LRP1B: variants seen among roughly 807,000 people sequenced by gnomAD.
LRP1B encodes the protein LDL receptor related protein 1B, also known as low-density lipoprotein receptor-related protein 1B.
In LRP1B, 217 loss-of-function variants were observed where a neutral mutation model predicts 556.6. The observed-to-expected ratio is 0.39, with a 90% CI of 0.35 to 0.44. The LOEUF (loss-of-function observed/expected upper bound fraction) is 0.44. LRP1B is among the 20% of genes least tolerant of loss of function. The pLI is 1.00. For missense variants in LRP1B, 5,053 were observed against 5,620.8 expected (o/e 0.90, Z 3.23); for synonymous variants, 2,047 against 1,865.8 (o/e 1.10, Z -2.50).
chr2:140,626,017 C>A (rs1340815045), intron 41 of LRP1B, among the ~76,000 whole-genome samples: 1 of 152,080 alleles, frequency 6.6e-6, no homozygotes, highest in Non-Finnish European at 1.5e-5. Context: ...TGTGGTATAT[C>A]CAGGCAATGG....
At chr2:140,301,868 A>C (rs1683842150) in intron 83 of LRP1B, among the ~76,000 whole-genome samples, 1 of 151,818 alleles carries the variant, frequency 6.6e-6, no homozygotes, top group Non-Finnish European at 1.5e-5. Flanking sequence ...TATATATGCA[A>C]TAGTGTGCAT....
chr2:140,457,750 T>C, intron 60 of LRP1B, 99 bp from the exon 61 acceptor site: 1 of 927,102 alleles, frequency 1.1e-6, no homozygotes, highest in South Asian at 1.8e-5. Flanking sequence ...GCTACATAAC[T>C]TCGTGTGAAT....
intron 1 of LRP1B, among the ~76,000 whole-genome samples, chr2:141,847,046 C>G (rs1287359921): frequency 6.6e-6 from 1 of 151,396 alleles, no homozygotes; most frequent in Non-Finnish European, 1.5e-5. Context: ...TATGACTGTT[C>G]TTTGTTTCAT....
chr2:141,426,736 G>C (rs192645623), intron 3 of LRP1B, among the ~76,000 whole-genome samples: 22 of 152,256 alleles, frequency 1.4e-4, no homozygotes, highest in African/African-American at 5.3e-4. Flanking sequence ...TATTTAGGTA[G>C]TTAATTATTT....
At chr2:140,619,315 C>CT (rs562249886) in intron 41 of LRP1B, among the ~76,000 whole-genome samples, 1 of 151,844 alleles carries the variant, frequency 6.6e-6, no homozygotes, top group Non-Finnish European at 1.5e-5. Context: ...ATATGAACAG[C>CT]TTTTTGTTCT....
intron 7 of LRP1B, among the ~76,000 whole-genome samples, chr2:141,118,241 G>GA (rs1281154493): frequency 2.0e-5 from 3 of 151,554 alleles, no homozygotes; most frequent in Admixed American, 1.3e-4. Context: ...ATAGATAAAG[G>GA]AAAAAAACAG....
At chr2:141,923,469 T>TA (rs1434961016) in intron 1 of LRP1B, among the ~76,000 whole-genome samples, 5 of 120,340 alleles carry the variant, frequency 4.2e-5, no homozygotes, top group Admixed American at 2.9e-4. Flanking sequence ...TGTGTGTGTG[T>TA]GTGTGTGTGT....
chr2:140,808,151 T>C (rs1690789952), intron 32 of LRP1B, among the ~76,000 whole-genome samples: 1 of 150,306 alleles, frequency 6.7e-6, no homozygotes, highest in African/African-American at 2.4e-5. Context: ...TTCAGAGCTA[T>C]AGGTTGGTCA....
chr2:141,733,192 T>C (rs1203172982), intron 2 of LRP1B, among the ~76,000 whole-genome samples: 1 of 152,172 alleles, frequency 6.6e-6, no homozygotes, highest in Non-Finnish European at 1.5e-5. Context: ...AGATCAATAG[T>C]CTGATTTTCA....
intron 1 of LRP1B, among the ~76,000 whole-genome samples, chr2:142,100,626 C>G (rs1706537979): frequency 6.6e-6 from 1 of 151,772 alleles, no homozygotes; most frequent in Non-Finnish European, 1.5e-5. Flanking sequence ...ATTTTGGAGG[C>G]CAGATTGCAT....
In LRP1B at chr2:141,077,476, T is replaced by C. The variant is rs1219765480; in HGVS notation, c.1014-15203A>G. The stretch of plus-strand genomic sequence containing the variant: ...TTTTCTAATATCAGGTTCTATGATA[T>C]TCAGTTTATGTGTTAATTTGGCAAG... On this transcript the variant is annotated intron_variant, in intron 7 of 90. Coordinates refer to ENST00000389484, the MANE Select transcript of LRP1B (RefSeq NM_018557.3). 5.3e-5 allele frequency among the ~76,000 whole-genome samples: 8 copies of C among 152,326 alleles called. No individual in the cohort carries two copies. In the East Asian group the frequency reaches 1.5e-3, roughly 29 times the overall value.
At chr2:140,583,880 T>G (rs1359469089) in intron 43 of LRP1B, among the ~76,000 whole-genome samples, 1 of 152,202 alleles carries the variant, frequency 6.6e-6, no homozygotes, top group Non-Finnish European at 1.5e-5. Context: ...TTTGTTCTCT[T>G]CTATCAAATC....
chr2:141,310,585 C>T (rs74734946), intron 3 of LRP1B, among the ~76,000 whole-genome samples: 5 of 152,042 alleles, frequency 3.3e-5, no homozygotes, highest in Admixed American at 3.3e-4. Context: ...GTATATAACA[C>T]ACTTTCTCTC....
intron 2 of LRP1B, among the ~76,000 whole-genome samples, chr2:141,628,653 T>C (rs189557258): frequency 1.7e-4 from 26 of 152,182 alleles, no homozygotes; most frequent in African/African-American, 5.8e-4. Flanking sequence ...TAAACAAGTT[T>C]CTAATTTTTT....
At chr2:141,235,303 A>C (rs557551499) in intron 5 of LRP1B, among the ~76,000 whole-genome samples, 102 of 152,244 alleles carry the variant, frequency 6.7e-4, no homozygotes, top group Middle Eastern at 3.4e-3. Context: ...GGGATCTGAA[A>C]GAGATCAGTA....
intron 2 of LRP1B, among the ~76,000 whole-genome samples, chr2:141,541,764 GA>G (rs1277550463): frequency 6.6e-6 from 1 of 151,964 alleles, no homozygotes; most frequent in Non-Finnish European, 1.5e-5. Flanking sequence ...TAATCTAATA[GA>G]ATACATAAAT....
chr2:141,765,030 A>G (rs1470920558), intron 2 of LRP1B, among the ~76,000 whole-genome samples: 2 of 152,174 alleles, frequency 1.3e-5, no homozygotes, highest in Admixed American at 6.5e-5. Context: ...TTTCTTGGGA[A>G]AGCTCTTTAG....
chr2:140,400,009 CAGA>C (rs1385281016), intron 66 of LRP1B, among the ~76,000 whole-genome samples: 1 of 152,116 alleles, frequency 6.6e-6, no homozygotes, highest in East Asian at 1.9e-4. Flanking sequence ...GTGGTTAGAG[CAGA>C]AGAACAACAA....
At chr2:141,932,346 C>T (rs187940906) in intron 1 of LRP1B, among the ~76,000 whole-genome samples, 13 of 152,048 alleles carry the variant, frequency 8.5e-5, no homozygotes, top group East Asian at 3.9e-4. Flanking sequence ...CAGAGTACAC[C>T]GTTCATTACT....
Sources: allele counts gnomAD v4.1 joint callset (sites outside exome capture counted in the v4.1 genomes callset), GRCh38; gene constraint gnomAD v4.1.1; transcripts MANE v1.5; gene names NCBI Gene and HGNC (gene_info 2026-07-23, HGNC 2026-07-21).